The following INTU variants were observed in gnomAD, a reference collection of about 807,000 sequenced individuals.
INTU encodes the protein inturned planar cell polarity protein, also known as protein inturned.
Under a neutral mutation model 100.5 loss-of-function variants are expected in INTU, and 68 were observed. The ratio of observed to expected loss-of-function variants is 0.68; its 90% CI spans 0.56 to 0.83. The LOEUF is 0.83. INTU is among the 40% of genes least tolerant of loss of function. The probability of loss-of-function intolerance (pLI) is 0.00; values close to 1 mark genes in which losing one functional copy is unlikely to be tolerated. For synonymous variants in INTU, 357 were observed against 395.7 expected, an observed-to-expected ratio of 0.90 and a Z score of 1.16; for missense variants, 1,071 against 1,114.7, an observed-to-expected ratio of 0.96 and a Z score of 0.56.
chr4:127,679,281 C>A (rs1272150854), intron 6 of INTU, among the ~76,000 whole-genome samples: 2 of 152,166 alleles, frequency 1.3e-5, no homozygotes, highest in African/African-American at 4.8e-5. Flanking sequence ...ACTCTCGACC[C>A]CAAATCAACA....
In INTU at chr4:127,718,397, A is replaced by G. The variant is rs1020868140; in HGVS notation, c.*1961A>G. 6.6e-6 allele frequency: 1 copy of G among 152,168 alleles called. No individual in the cohort carries two copies. Among genetic ancestry groups the G allele is most frequent in the Non-Finnish European group, 1.5e-5 (1 of 68,020 alleles). The allele number at this position is 152,168 out of a possible 1,614,324, so 9.4% of individuals were successfully genotyped here. A position where few individuals can be genotyped will look rare whatever the true frequency, so the allele number is the denominator to read the frequency against. ...TTTGGTTATTGTACCCTTACAGTAC[A>G]GTTTGAAGTTTGGTAGTGTGATGCC... On this transcript the variant is annotated 3_prime_UTR_variant, in exon 16 of 16. Transcript: ENST00000335251.
chr4:127,684,758 T>A (rs1214896279), intron 7 of INTU, among the ~76,000 whole-genome samples: 1 of 151,994 alleles, frequency 6.6e-6, no homozygotes. Flanking sequence ...TTTTTTGTTA[T>A]AACAGTAGAC....
At position 127,725,357 on chromosome 4, in the gene INTU, A is replaced by T. The variant is rs1731402914; in HGVS notation, c.*8921A>T. The T allele has an allele frequency of 6.6e-6, 1 of 152,240 alleles. No individual in the cohort carries two copies. The highest frequency in any genetic ancestry group is 6.5e-5 in the Admixed American group (1 of 15,280). 9.4% of individuals were successfully genotyped at this position (152,240 alleles called of 1,614,324 possible). ...TTCCCCTTAAGATCACAATATTGTC[A>T]TATGCTACCATTTGACTCACAACTG... On this transcript the variant is annotated 3_prime_UTR_variant, in exon 16 of 16. Transcript: ENST00000335251.
intron 4 of INTU, among the ~76,000 whole-genome samples, chr4:127,668,248 T>C (rs1476257177): frequency 6.6e-6 from 1 of 152,020 alleles, no homozygotes; most frequent in African/African-American, 2.4e-5. Context: ...GCGCACATCC[T>C]GATTTTGAAG....
In INTU at chr4:127,632,992, C is replaced by A. The variant is rs1158115703; in HGVS notation, c.-43C>A. 3.8e-6 allele frequency: 6 copies of A among 1,582,616 alleles called. No homozygotes were observed. In the Admixed American group the frequency reaches 5.1e-5, roughly 13 times the overall value. On this transcript the variant is annotated 5_prime_UTR_variant, in exon 1 of 16. An upstream open reading frame in the 5' UTR gains an earlier in-frame stop. Coordinates refer to ENST00000335251, the MANE Select transcript of INTU (RefSeq NM_015693.4). ...TGGCGGCCTTAGCAAGCTATAGCTGCGAGATTTGAATTACTCCACTCGTAG... is the reference window on the plus strand; with the variant it reads ...TGGCGGCCTTAGCAAGCTATAGCTGAGAGATTTGAATTACTCCACTCGTAG...
At chr4:127,672,045 A>C (rs1193508256) in intron 5 of INTU, among the ~76,000 whole-genome samples, 1 of 152,096 alleles carries the variant, frequency 6.6e-6, no homozygotes, top group Non-Finnish European at 1.5e-5. Flanking sequence ...TAATGGATAC[A>C]ATGTACACTC....
At chr4:127,647,707 T>C (rs1057071882) in intron 2 of INTU, among the ~76,000 whole-genome samples, 4 of 152,104 alleles carry the variant, frequency 2.6e-5, no homozygotes, top group Admixed American at 1.3e-4. Context: ...GTGATAGTAA[T>C]AATATACGTT....
At chr4:127,658,852 C>T (rs138834213) in intron 3 of INTU, among the ~76,000 whole-genome samples, 53 of 152,182 alleles carry the variant, frequency 3.5e-4, no homozygotes, top group African/African-American at 1.2e-3. Flanking sequence ...ATTGTATGCA[C>T]GATTTCTATT....
In INTU at chr4:127,635,318, G is replaced by A. The variant is rs78402281; in HGVS notation, c.146+2138G>A. Among the ~76,000 whole-genome samples the A allele has an allele frequency of 4.1e-3, 630 of 152,122 alleles. 4 individuals are homozygous for A. The highest frequency in any genetic ancestry group is 0.02 in the Middle Eastern group (6 of 294). ...TGGGCACATACCCTGGGAGGCTTCC[G>A]AGATAATACTGGTGGGTTGGTTGGG... is the stretch of plus-strand genomic sequence containing the variant. On this transcript the variant is annotated intron_variant, in intron 1 of 15. Transcript: ENST00000335251.
intron 6 of INTU, chr4:127,675,817 A>T (rs1205142005): frequency 5.5e-6 from 1 of 180,338 alleles, no homozygotes; most frequent in Non-Finnish European, 1.2e-5. Context: ...AAAGAGGGGG[A>T]TGCTACAAGA....
chr4:127,712,138 T>C (rs1731117937), intron 14 of INTU, among the ~76,000 whole-genome samples: 1 of 152,170 alleles, frequency 6.6e-6, no homozygotes, highest in South Asian at 2.1e-4. Context: ...GGTTTAAAAG[T>C]GGAAGAACAT....
chr4:127,699,926 A>G, intron 8 of INTU, 84 bp from the exon 9 acceptor site: 1 of 902,782 alleles, frequency 1.1e-6, no homozygotes, highest in Non-Finnish European at 1.7e-6. Flanking sequence ...AGTAGTAATT[A>G]AGCACTTTTT....
At chr4:127,680,158 T>C (rs1411816529) in intron 6 of INTU, among the ~76,000 whole-genome samples, 7 of 152,174 alleles carry the variant, frequency 4.6e-5, no homozygotes, top group South Asian at 2.1e-4. Flanking sequence ...GATTCACAGC[T>C]GAATTCTACC....
intron 2 of INTU, 41 bp downstream of exon 2, chr4:127,644,097 T>C: frequency 6.4e-7 from 1 of 1,561,440 alleles, no homozygotes; most frequent in Non-Finnish European, 8.7e-7. Context: ...TTTACAGAGA[T>C]CTTGATTAAT....
intron 2 of INTU, among the ~76,000 whole-genome samples, chr4:127,651,483 C>G (rs1727873196): frequency 6.6e-6 from 1 of 152,198 alleles, no homozygotes; most frequent in South Asian, 2.1e-4. Context: ...GGAATCCTTT[C>G]CCCATTGCTT....
Position 127,654,717 on chromosome 4 carries a change from C to T in INTU, c.683-1919C>T, listed in dbSNP as rs1326510159. 7.8e-4 allele frequency among the ~76,000 whole-genome samples: 114 copies of T among 147,094 alleles called. 1 individual carries two copies. The highest frequency in any genetic ancestry group is 2.8e-3 in the African/African-American group (109 of 39,288). ...TTATGTGTCTTGGAGTTGCTCTTCT[C>T]GAGGAGTATCTTTGTGGCCTTCTCT... On this transcript the variant is annotated intron_variant, in intron 2 of 15. Coordinates refer to ENST00000335251, the MANE Select transcript of INTU (RefSeq NM_015693.4).
intron 2 of INTU, among the ~76,000 whole-genome samples, chr4:127,655,543 G>C (rs952533502): frequency 1.1e-4 from 16 of 151,686 alleles, no homozygotes; most frequent in Admixed American, 3.3e-4. Flanking sequence ...TCGGGGGTCA[G>C]GGGTCAGGGA....
intron 6 of INTU, among the ~76,000 whole-genome samples, chr4:127,679,461 G>A (rs142146879): frequency 1.8e-4 from 27 of 152,150 alleles, no homozygotes; most frequent in East Asian, 1.7e-3. Context: ...ACTCAAAACC[G>A]CTCAACTGCA....
Position 127,716,389 on chromosome 4 carries a change from A to G in INTU, c.2782A>G (p.Ile928Val), listed in dbSNP as rs752934096. 3 of 1,592,538 alleles carry G rather than the reference A, an allele frequency of 1.9e-6. No individual in the cohort carries two copies. The highest frequency in any genetic ancestry group is 1.1e-5 in the South Asian group (1 of 87,128). ...CTGTTTTCATGACTCAGTCACAGAA[A>G]TTGCCATTGAAATAGCTTTTAAATT... ...YVCFHDSVTE[I>V]AIEIAFKLFF... is the part of the protein sequence containing the mutation. Residue 928 changes from isoleucine to valine, a missense_variant, in exon 16 of 16, where the codon ATT (isoleucine) becomes GTT (valine). By Grantham distance (29) the Ile-to-Val change is conservative. Coordinates refer to ENST00000335251, the MANE Select transcript of INTU (RefSeq NM_015693.4).
Sources: allele counts gnomAD v4.1 joint callset (sites outside exome capture counted in the v4.1 genomes callset), GRCh38; gene constraint gnomAD v4.1.1; transcripts MANE v1.5; gene names NCBI Gene and HGNC (gene_info 2026-07-23, HGNC 2026-07-21).